The following CDH2 variants were observed in gnomAD, a reference collection of about 807,000 sequenced individuals.
CDH2 encodes the protein cadherin-2.
In CDH2, 17 loss-of-function variants were observed where a neutral mutation model predicts 92.0. That is an observed-to-expected ratio of 0.18 (90% CI 0.13 to 0.28). The LOEUF (loss-of-function observed/expected upper bound fraction) is 0.28. Ranked by LOEUF, CDH2 falls within the 10% of genes least tolerant of loss-of-function variation. The pLI is 1.00. For missense variants in CDH2, 862 were observed against 1,133.1 expected, an observed-to-expected ratio of 0.76 and a Z score of 3.44; for synonymous variants, 419 against 415.9, an observed-to-expected ratio of 1.01 and a Z score of -0.09.
rs1163544630 is a variant in CDH2 at position 27,985,226 on chromosome 18, A to G, written c.1983T>C (p.Phe661=). The G allele has an allele frequency of 6.3e-7, 1 of 1,580,582 alleles. No homozygotes were observed. Among genetic ancestry groups the G allele is most frequent in the Admixed American group, 1.7e-5 (1 of 59,840 alleles). Residue 661 remains phenylalanine (F), a synonymous_variant, in exon 13 of 16, where the codon TTT becomes TTC. Transcript: ENST00000269141. ...ATTTTATCTTTAAATTAAGCTGAGC[A>G]AAATCACCTATATGAAAAAGGAAAA... ...NWTITRLNGD[F]AQLNLKIKFL...
intron 2 of CDH2, among the ~76,000 whole-genome samples, chr18:28,081,754 A>G (rs980207165): frequency 8.5e-5 from 13 of 152,210 alleles, no homozygotes; most frequent in Admixed American, 2.6e-4. Context: ...ATGCTGCAGC[A>G]TTATCATAAG....
At chr18:28,072,818 A>G (rs760215964) in intron 2 of CDH2, among the ~76,000 whole-genome samples, 1 of 152,268 alleles carries the variant, frequency 6.6e-6, no homozygotes, top group Non-Finnish European at 1.5e-5. Flanking sequence ...GTATTTGAAC[A>G]TGAAAGCGAC....
intron 1 of CDH2, among the ~76,000 whole-genome samples, chr18:28,166,264 A>T (rs1431319745): frequency 1.3e-5 from 2 of 150,278 alleles, no homozygotes; most frequent in African/African-American, 2.4e-5. Flanking sequence ...TACTAAAAAA[A>T]GTAACCTGTC....
chr18:28,056,973 T>G (rs956414814), intron 2 of CDH2, among the ~76,000 whole-genome samples: 1 of 152,326 alleles, frequency 6.6e-6, no homozygotes, highest in Middle Eastern at 3.4e-3. Context: ...GTTATTGTGT[T>G]GAATTATTGT....
chr18:27,956,750 C>A (rs374190655), intron 15 of CDH2, among the ~76,000 whole-genome samples: 1 of 152,134 alleles, frequency 6.6e-6, no homozygotes, highest in East Asian at 1.9e-4. Context: ...CGACAATGGG[C>A]AAAATGATTT....
intron 2 of CDH2, among the ~76,000 whole-genome samples, chr18:28,072,556 C>A (rs893370570): frequency 2.6e-5 from 4 of 151,762 alleles, no homozygotes; most frequent in Non-Finnish European, 5.9e-5. Context: ...CACTTGTATC[C>A]TCTACAATGC....
intron 2 of CDH2, among the ~76,000 whole-genome samples, chr18:28,131,314 T>C (rs1374851613): frequency 6.6e-6 from 1 of 152,156 alleles, no homozygotes; most frequent in Non-Finnish European, 1.5e-5. Flanking sequence ...CAGTTTTCAA[T>C]AATCTAACAC....
chr18:28,001,835 T>C (rs1487572046), intron 7 of CDH2, among the ~76,000 whole-genome samples: 5 of 152,256 alleles, frequency 3.3e-5, no homozygotes, highest in Admixed American at 1.3e-4. Flanking sequence ...AATGTTTTCT[T>C]CTATTCAATT....
At chr18:28,173,829 C>G (rs2016498415) in intron 1 of CDH2, among the ~76,000 whole-genome samples, 1 of 151,932 alleles carries the variant, frequency 6.6e-6, no homozygotes, top group Non-Finnish European at 1.5e-5. Flanking sequence ...TTTTTCTTAA[C>G]AATAAACCTA....
Position 27,952,065 on chromosome 18 carries a change from C to CAA in CDH2, c.*86_*87dup, listed in dbSNP as rs1334790929. ...CAGCAAGCACTGTGCTAGTAGACTA[C>CAA]AAAGTTAAAGCCTAGCTTCTGAATG... is the stretch of plus-strand genomic sequence containing the variant. On this transcript the variant is annotated 3_prime_UTR_variant, in exon 16 of 16. Transcript: ENST00000269141. 3.3e-6 allele frequency: 4 copies of CAA among 1,212,662 alleles called. No homozygotes were observed. In the African/African-American group the frequency reaches 6.0e-5, roughly 18 times the overall value. 75.1% of individuals were successfully genotyped at this position (1,212,662 alleles called of 1,614,324 possible). A position where few individuals can be genotyped will look rare whatever the true frequency, so the allele number is the denominator to read the frequency against.
chr18:28,007,032 G>T (rs1411037515), intron 5 of CDH2, among the ~76,000 whole-genome samples: 1 of 150,456 alleles, frequency 6.6e-6, no homozygotes, highest in Non-Finnish European at 1.5e-5. Context: ...AATTAGCTGG[G>T]TGCCTGTAAT....
chr18:27,994,757 G>A (rs978872351), intron 7 of CDH2, among the ~76,000 whole-genome samples: 6 of 151,964 alleles, frequency 3.9e-5, no homozygotes, highest in African/African-American at 1.5e-4. Flanking sequence ...ACAAATTGTA[G>A]CTTTTGATTT....
intron 2 of CDH2, among the ~76,000 whole-genome samples, chr18:28,024,369 G>C (rs1364948687): frequency 6.6e-6 from 1 of 151,438 alleles, no homozygotes; most frequent in Non-Finnish European, 1.5e-5. Flanking sequence ...ATGTAGAAAT[G>C]AAATCTTAAG....
At chr18:28,018,950 G>A (rs1373488302) in intron 2 of CDH2, among the ~76,000 whole-genome samples, 5 of 151,024 alleles carry the variant, frequency 3.3e-5, no homozygotes, top group African/African-American at 4.9e-5. Flanking sequence ...TGCACACCAC[G>A]GGATACTACT....
chr18:28,106,626 A>G (rs2015327685), intron 2 of CDH2, among the ~76,000 whole-genome samples: 1 of 152,158 alleles, frequency 6.6e-6, no homozygotes, highest in Non-Finnish European at 1.5e-5. Flanking sequence ...AAGATGAGCT[A>G]CTTTTCTGTT....
At chr18:27,995,452 TC>T (rs1387383429) in intron 7 of CDH2, among the ~76,000 whole-genome samples, 3 of 152,034 alleles carry the variant, frequency 2.0e-5, no homozygotes, top group Admixed American at 1.3e-4. Context: ...CAGTTCAGCC[TC>T]CCAGCTGAAA....
At chr18:28,009,696 A>C (rs562953344) in intron 5 of CDH2, 21 bp downstream of exon 5, 1 of 1,611,548 alleles carries the variant, frequency 6.2e-7, no homozygotes, top group African/African-American at 1.3e-5. Context: ...ACACAGAATT[A>C]TCAGCTGGTT....
intron 2 of CDH2, among the ~76,000 whole-genome samples, chr18:28,094,767 C>G (rs1320941384): frequency 1.6e-5 from 2 of 128,348 alleles, no homozygotes; most frequent in African/African-American, 5.9e-5. Context: ...GCACTCCAGC[C>G]TGGGCGACAG....
intron 1 of CDH2, among the ~76,000 whole-genome samples, chr18:28,158,958 T>C (rs2016263847): frequency 6.6e-6 from 1 of 152,236 alleles, no homozygotes; most frequent in Non-Finnish European, 1.5e-5. Flanking sequence ...ATACAACTGG[T>C]TTAATATTTT....
Sources: allele counts gnomAD v4.1 joint callset (sites outside exome capture counted in the v4.1 genomes callset), GRCh38; gene constraint gnomAD v4.1.1; transcripts MANE v1.5; gene names NCBI Gene and HGNC (gene_info 2026-07-23, HGNC 2026-07-21).